LSAMP: variants seen among roughly 807,000 people sequenced by gnomAD.
LSAMP encodes limbic system-associated membrane protein.
LSAMP carries 7 observed loss-of-function variants against 38.6 expected under a neutral mutation model. The observed-to-expected ratio is 0.18, with a 90% CI of 0.10 to 0.34. The LOEUF is 0.34. Among genes scored for constraint, LSAMP ranks in the 10% least tolerant of loss-of-function variants. The pLI is 1.00. For synonymous variants in LSAMP, 154 were observed against 166.8 expected (o/e 0.92, Z 0.59); for missense variants, 313 against 420.0 (o/e 0.75, Z 2.23).
At position 116,312,777 on chromosome 3, in the gene LSAMP, A is replaced by G. The variant is rs529900527; in HGVS notation, c.155+132100T>C. Among the ~76,000 whole-genome samples the G allele has an allele frequency of 6.0e-4, 91 of 152,286 alleles. No individual in the cohort carries two copies. The Middle Eastern group carries it at 0.014, about 23-fold the overall frequency. ...ATACAGCAATGATGTATGCAATGAA[A>G]ACAAGAGAATAATGTTTTCATTCAA... On this transcript the variant is annotated intron_variant, in intron 1 of 6. Coordinates refer to ENST00000490035, the MANE Select transcript of LSAMP (RefSeq NM_002338.5).
chr3:116,068,810 T>G (rs1707524906), intron 2 of LSAMP, among the ~76,000 whole-genome samples: 1 of 152,224 alleles, frequency 6.6e-6, no homozygotes, highest in African/African-American at 2.4e-5. Flanking sequence ...CTGTGTGGTT[T>G]CAAAGAGAAA....
chr3:116,252,641 T>C (rs541456213), intron 1 of LSAMP, among the ~76,000 whole-genome samples: 159 of 152,364 alleles, frequency 1.0e-3, no homozygotes, highest in African/African-American at 3.6e-3. Flanking sequence ...TAAACATTTT[T>C]AATGAATAAA....
At position 116,019,160 on chromosome 3, in the gene LSAMP, G is replaced by T. The variant is rs13068905; in HGVS notation, c.514+355C>A. Among the ~76,000 whole-genome samples, 757 of 92,610 alleles carry T rather than the reference G, an allele frequency of 8.2e-3. 16 individuals carry two copies. The highest frequency in any genetic ancestry group is 0.029 in the African/African-American group (656 of 22,828). 60.8% of individuals were successfully genotyped at this position (92,610 alleles called of 152,430 possible). On this transcript the variant is annotated intron_variant, in intron 3 of 6. Coordinates refer to ENST00000490035, the MANE Select transcript of LSAMP (RefSeq NM_002338.5). ...TCTGTATTTGTTGCATTGTGGGTGG[G>T]GGGGGGGGGGCTGTTCTATTGAAAC...
At chr3:116,427,109 C>CTTTTTTTTTTT (rs758726064) in intron 1 of LSAMP, among the ~76,000 whole-genome samples, 1 of 95,364 alleles carries the variant, frequency 1.0e-5, no homozygotes, top group Non-Finnish European at 2.1e-5. Context: ...CTCTTTCTTT[C>CTTTTTTTTTTT]TTTTTTTTTT....
chr3:115,960,386 C>T lies in LSAMP; in HGVS notation c.514+59129G>A, dbSNP rs536037495. 3.3e-5 allele frequency among the ~76,000 whole-genome samples: 5 copies of T among 152,296 alleles called. No homozygotes were observed. The South Asian group carries it at 1.0e-3, about 32-fold the overall frequency. ...CCCAGTCTGCGCTATTTTGTCATGT[C>T]AGCCTTGGAGATTTCAAATTTTAGT... On this transcript the variant is annotated intron_variant, in intron 3 of 6. Transcript: ENST00000490035.
At chr3:115,964,895 C>T (rs1938747774) in intron 3 of LSAMP, among the ~76,000 whole-genome samples, 1 of 152,022 alleles carries the variant, frequency 6.6e-6, no homozygotes, top group South Asian at 2.1e-4. Context: ...AAGAAGACCT[C>T]CACAAATGAA....
At chr3:115,997,751 TATAC>T (rs1376668611) in intron 3 of LSAMP, among the ~76,000 whole-genome samples, 41 of 131,280 alleles carry the variant, frequency 3.1e-4, no homozygotes, top group Admixed American at 1.2e-3. Flanking sequence ...TATATATATA[TATAC>T]ACACACATAC....
intron 1 of LSAMP, among the ~76,000 whole-genome samples, chr3:116,328,974 T>G (rs2107738505): frequency 6.6e-6 from 1 of 152,264 alleles, no homozygotes; most frequent in East Asian, 1.9e-4. Context: ...GTATAGAATT[T>G]CATTGTCATT....
chr3:115,941,234 A>G (rs1400923918), intron 3 of LSAMP, among the ~76,000 whole-genome samples: 1 of 152,142 alleles, frequency 6.6e-6, no homozygotes, highest in Non-Finnish European at 1.5e-5. Flanking sequence ...AACCAAACTG[A>G]AATGTCATCT....
At chr3:115,883,545 T>A (rs1225872644) in intron 3 of LSAMP, among the ~76,000 whole-genome samples, 1 of 152,012 alleles carries the variant, frequency 6.6e-6, no homozygotes, top group Non-Finnish European at 1.5e-5. Context: ...GATGGGCATA[T>A]TATTGAGCTG....
intron 1 of LSAMP, among the ~76,000 whole-genome samples, chr3:116,231,606 A>G (rs780387029): frequency 2.0e-5 from 3 of 152,206 alleles, no homozygotes; most frequent in African/African-American, 4.8e-5. Flanking sequence ...TACACTCACC[A>G]GAAAAACAAA....
intron 6 of LSAMP, among the ~76,000 whole-genome samples, chr3:115,836,177 C>T (rs1934774162): frequency 6.6e-6 from 1 of 152,182 alleles, no homozygotes; most frequent in Non-Finnish European, 1.5e-5. Context: ...TGCCTTTCAA[C>T]TGCTTCTCAG....
At chr3:116,267,561 A>G (rs534679209) in intron 1 of LSAMP, among the ~76,000 whole-genome samples, 29 of 150,742 alleles carry the variant, frequency 1.9e-4, no homozygotes, top group African/African-American at 7.1e-4. Context: ...GGGAGAAGAC[A>G]GTATGCAGGC....
At chr3:116,047,227 G>T (rs2107727188) in intron 2 of LSAMP, among the ~76,000 whole-genome samples, 1 of 152,196 alleles carries the variant, frequency 6.6e-6, no homozygotes, top group East Asian at 1.9e-4. Context: ...ACAATGTCAT[G>T]CATCACAAAT....
At chr3:116,196,954 G>A (rs778279365) in intron 1 of LSAMP, among the ~76,000 whole-genome samples, 6 of 151,938 alleles carry the variant, frequency 3.9e-5, no homozygotes, top group Non-Finnish European at 4.4e-5. Flanking sequence ...TCTCTCATTC[G>A]TTATTCTCTT....
chr3:116,240,345 AC>A (rs1318961882), intron 1 of LSAMP, among the ~76,000 whole-genome samples: 5 of 152,342 alleles, frequency 3.3e-5, no homozygotes, highest in African/African-American at 1.2e-4. Context: ...CTTTGTGGTT[AC>A]AAAAATAAAA....
intron 1 of LSAMP, among the ~76,000 whole-genome samples, chr3:116,218,799 C>A (rs1179158260): frequency 6.6e-6 from 1 of 152,140 alleles, no homozygotes; most frequent in Non-Finnish European, 1.5e-5. Context: ...AGTTGCATAC[C>A]ACCGTGCTGG....
At chr3:116,441,529 G>C (rs1265475832) in intron 1 of LSAMP, among the ~76,000 whole-genome samples, 1 of 152,158 alleles carries the variant, frequency 6.6e-6, no homozygotes, top group African/African-American at 2.4e-5. Flanking sequence ...TTAAAGGTTG[G>C]TTTGAAATAC....
chr3:116,104,348 T>C (rs933543656), intron 1 of LSAMP, among the ~76,000 whole-genome samples: 4 of 151,304 alleles, frequency 2.6e-5, no homozygotes, highest in Non-Finnish European at 5.9e-5. Context: ...TGTAGTAAAG[T>C]GTTTCTGGGA....
Sources: allele counts gnomAD v4.1 joint callset (sites outside exome capture counted in the v4.1 genomes callset), GRCh38; gene constraint gnomAD v4.1.1; transcripts MANE v1.5; gene names NCBI Gene and HGNC (gene_info 2026-07-23, HGNC 2026-07-21).